Variants in FLNB observed in about 807,000 individuals in gnomAD.
FLNB encodes the protein filamin B.
FLNB carries 111 observed loss-of-function variants against 250.6 expected under a neutral mutation model. The ratio of observed to expected loss-of-function variants is 0.44; its 90% CI spans 0.38 to 0.52. The LOEUF (loss-of-function observed/expected upper bound fraction) is 0.52. Among genes scored for constraint, FLNB ranks in the 20% least tolerant of loss-of-function variants. The pLI, the probability that FLNB is intolerant of heterozygous loss-of-function variation, is 0.00. For missense variants in FLNB, 2,869 were observed against 3,447.8 expected, an observed-to-expected ratio of 0.83 and a Z score of 4.20; for synonymous variants, 1,302 against 1,372.1, an observed-to-expected ratio of 0.95 and a Z score of 1.13.
intron 22 of FLNB, 121 bp from the exon 23 acceptor site, chr3:58,125,460 C>T: frequency 1.7e-6 from 2 of 1,199,348 alleles, no homozygotes; most frequent in South Asian, 1.3e-5. Flanking sequence ...ACCCCCTTTT[C>T]CAAATAACAT....
chr3:58,089,116 A>G (rs1453738631), intron 4 of FLNB, among the ~76,000 whole-genome samples: 1 of 152,140 alleles, frequency 6.6e-6, no homozygotes. Context: ...TCAAAAAAAA[A>G]AAGAAATCAC....
intron 1 of FLNB, among the ~76,000 whole-genome samples, chr3:58,029,963 T>G (rs1303327704): frequency 1.3e-5 from 2 of 152,218 alleles, no homozygotes; most frequent in Non-Finnish European, 2.9e-5. Context: ...GTGTGAAGAT[T>G]TAACGAGCTA....
In FLNB at chr3:58,123,563, C is replaced by A. The variant is rs1479826205; in HGVS notation, c.3597C>A (p.Ala1199=). Residue 1199 remains alanine, a synonymous_variant, in exon 21 of 46, where the codon GCC becomes GCA. Coordinates refer to ENST00000295956, the MANE Select transcript of FLNB (RefSeq NM_001457.4). Reference sequence around the variant, plus strand: ...CGGTGACCTACGTGCCCCTGACGGCCGGCATGTACACGTTGACCATGAAGT... The same window carrying A: ...CGGTGACCTACGTGCCCCTGACGGCAGGCATGTACACGTTGACCATGAAGT... ...TYAVTYVPLT[A]GMYTLTMKYG... The A allele has an allele frequency of 6.2e-7, 1 of 1,609,922 alleles. No homozygotes were observed. The highest frequency in any genetic ancestry group is 2.2e-5 in the East Asian group (1 of 44,834).
At chr3:58,066,907 G>A (rs13071918) in intron 1 of FLNB, among the ~76,000 whole-genome samples, 35,054 of 152,130 alleles carry the variant, frequency 0.23, 4,739 homozygotes, top group Middle Eastern at 0.37. Flanking sequence ...GAAGTGATTC[G>A]TTCCAACTAT....
chr3:58,167,039 A>G (rs1258482705), intron 43 of FLNB, among the ~76,000 whole-genome samples: 1 of 151,234 alleles, frequency 6.6e-6, no homozygotes, highest in South Asian at 2.1e-4. Flanking sequence ...GAAGCAGGAG[A>G]ATCGCTTGAA....
intron 38 of FLNB, chr3:58,151,227 T>C (rs2097344265): frequency 6.6e-6 from 1 of 151,450 alleles, no homozygotes; most frequent in African/African-American, 2.4e-5. Flanking sequence ...CCCTATCTCT[T>C]CTAAAAATAC....
intron 2 of FLNB, 101 bp downstream of exon 2, chr3:58,077,395 C>A (rs141485654): frequency 2.6e-5 from 37 of 1,434,104 alleles, no homozygotes; most frequent in Non-Finnish European, 3.3e-5. Context: ...CTTTGATTAG[C>A]GTATTTCTCC....
rs1559705987 is a variant in FLNB at position 58,118,619 on chromosome 3, A to G, written c.2746-253A>G. Among the ~76,000 whole-genome samples the G allele has an allele frequency of 2.0e-5, 3 of 152,212 alleles. No homozygotes were observed. The South Asian group carries it at 6.2e-4, about 32-fold the overall frequency. On this transcript the variant is annotated intron_variant, in intron 18 of 45. Coordinates refer to ENST00000295956, the MANE Select transcript of FLNB (RefSeq NM_001457.4). ...GAGGAAATGCATAAAAGCACATAGC[A>G]TGGTGCTTGGTGTGTAGAAAATGCT... is the stretch of plus-strand genomic sequence containing the variant.
intron 43 of FLNB, chr3:58,165,371 C>G (rs2097368653): frequency 1.3e-5 from 2 of 152,260 alleles, no homozygotes; most frequent in Admixed American, 1.3e-4. Context: ...ACAGAACCGC[C>G]TGCTTCAAAC....
At chr3:58,144,574 CT>C (rs1323304194) in intron 32 of FLNB, among the ~76,000 whole-genome samples, 2 of 152,192 alleles carry the variant, frequency 1.3e-5, no homozygotes, top group African/African-American at 4.8e-5. Flanking sequence ...GACTTTTCCC[CT>C]AGTCACCTCA....
In FLNB at chr3:58,090,284, G is replaced by C. The variant is rs146265911; in HGVS notation, c.788-4552G>C. Among the ~76,000 whole-genome samples the C allele has an allele frequency of 8.5e-4, 130 of 152,094 alleles. 1 individual carries two copies. The highest frequency in any genetic ancestry group is 3.1e-3 in the African/African-American group (128 of 41,480). The stretch of plus-strand genomic sequence containing the variant: ...GTCAAGAGCAGTAATGTGTGGAACC[G>C]CCGTCTCCTATAATAACAATGCCTT... On this transcript the variant is annotated intron_variant, in intron 4 of 45. Transcript: ENST00000295956.
Position 58,142,059 on chromosome 3 carries a change from T to A in FLNB, c.5181+130T>A. On this transcript the variant is annotated intron_variant, in intron 30 of 45. Transcript: ENST00000295956. This position sits in a 1 kb window ranked among gnomAD's most constrained non-coding sequence, Gnocchi z 4.3. ...TGGTCATTGGTGTGCCCCTCACTGA[T>A]CAGCCCATCACGATGATCCCTGCTT... is the stretch of plus-strand genomic sequence containing the variant. 1 of 777,248 alleles carries A rather than the reference T, an allele frequency of 1.3e-6. No homozygotes were observed. Among genetic ancestry groups the A allele is most frequent in the South Asian group, 1.4e-5 (1 of 69,874 alleles). The allele number at this position is 777,248 out of a possible 1,614,324, so 48.1% of individuals were successfully genotyped here.
At chr3:58,149,020 A>T (rs934687674) in intron 36 of FLNB, among the ~76,000 whole-genome samples, 168 bp downstream of exon 36, 5 of 152,100 alleles carry the variant, frequency 3.3e-5, no homozygotes, top group African/African-American at 1.2e-4. Flanking sequence ...ATTGGCAAAA[A>T]TGGGATTGTC....
At chr3:58,041,840 T>C (rs2097146484) in intron 1 of FLNB, among the ~76,000 whole-genome samples, 1 of 152,198 alleles carries the variant, frequency 6.6e-6, no homozygotes, top group African/African-American at 2.4e-5. Flanking sequence ...GCAGCTTGTC[T>C]TGACTGTAGC....
chr3:58,051,449 C>T (rs572888903), intron 1 of FLNB, among the ~76,000 whole-genome samples: 17 of 152,324 alleles, frequency 1.1e-4, no homozygotes, highest in Non-Finnish European at 2.4e-4. Context: ...AGTACTTGCT[C>T]TCCTTTCCCT....
Position 58,142,234 on chromosome 3 carries a change from G to T in FLNB, c.5181+305G>T, listed in dbSNP as rs545312469. 9.2e-5 allele frequency among the ~76,000 whole-genome samples: 14 copies of T among 152,258 alleles called. No individual in the cohort carries two copies. The South Asian group carries it at 2.9e-3, about 32-fold the overall frequency. Reference sequence around the variant, plus strand: ...AGCCCTCCTGCTGCCTCTCAAAGCCGCCACTTGCACATTCAGTTTCTGTTC... The same window carrying T: ...AGCCCTCCTGCTGCCTCTCAAAGCCTCCACTTGCACATTCAGTTTCTGTTC... On this transcript the variant is annotated intron_variant, in intron 30 of 45. Coordinates refer to ENST00000295956, the MANE Select transcript of FLNB (RefSeq NM_001457.4). The surrounding 1 kb of genome is among the most constrained non-coding windows in gnomAD (Gnocchi z 4.3).
At chr3:58,144,402 T>A (rs1042691400) in intron 32 of FLNB, among the ~76,000 whole-genome samples, 5 of 152,124 alleles carry the variant, frequency 3.3e-5, no homozygotes, top group African/African-American at 1.2e-4. Context: ...AATTTCAGAG[T>A]ATTTTTAAGA....
At chr3:58,015,168 C>G (rs2097104173) in intron 1 of FLNB, among the ~76,000 whole-genome samples, 1 of 152,242 alleles carries the variant, frequency 6.6e-6, no homozygotes, top group Admixed American at 6.5e-5. Context: ...CTCTAGTCCA[C>G]TGCTTTAACC....
chr3:58,117,569 C>T (rs1042081442), intron 18 of FLNB, among the ~76,000 whole-genome samples: 9 of 152,234 alleles, frequency 5.9e-5, no homozygotes, highest in South Asian at 2.1e-4. Context: ...AGAGTTGGCA[C>T]GTTGGGAATG....
Sources: gnomAD v4.1 joint callset for allele counts (sites outside exome capture counted in the v4.1 genomes callset) on GRCh38, gnomAD v4.1.1 for gene constraint, Gnocchi (gnomAD v3.1) non-coding constraint, MANE v1.5 for transcripts, NCBI Gene and HGNC (gene_info 2026-07-23, HGNC 2026-07-21) for gene names.